Variants in DYSF observed in about 807,000 individuals in gnomAD.
DYSF encodes the protein dystrophy-associated fer-1-like 1.
A neutral mutation model predicts 274.9 loss-of-function variants in DYSF; 212 were observed. That is an observed-to-expected ratio of 0.77 (90% CI 0.69 to 0.86). The LOEUF is 0.86. DYSF is among the 40% of genes least tolerant of loss of function. The probability of loss-of-function intolerance (pLI) is 0.00; values close to 1 mark genes in which losing one functional copy is unlikely to be tolerated. For missense variants in DYSF, 2,666 were observed against 2,783.2 expected (o/e 0.96, Z 0.95); for synonymous variants, 1,091 against 1,078.7 (o/e 1.01, Z -0.22).
intron 29 of DYSF, among the ~76,000 whole-genome samples, chr2:71,571,222 A>G (rs2092414892): frequency 6.7e-6 from 1 of 150,004 alleles, no homozygotes; most frequent in African/African-American, 2.5e-5. Context: ...CCCACAGTTC[A>G]CACTCAGCAC....
At chr2:71,565,887 C>T (rs932139258) in intron 24 of DYSF, among the ~76,000 whole-genome samples, 1 of 152,268 alleles carries the variant, frequency 6.6e-6, no homozygotes, top group African/African-American at 2.4e-5. Context: ...CTCCCCACCT[C>T]TCCCCTTTTC....
intron 54 of DYSF, among the ~76,000 whole-genome samples, chr2:71,682,139 G>C (rs1433775430): frequency 6.6e-6 from 1 of 152,116 alleles, no homozygotes; most frequent in Admixed American, 6.5e-5. Flanking sequence ...AGGTGTCTTG[G>C]CTTATCTGGG....
chr2:71,618,573 T>TGGGGTACAGTTGTGTGTGTGTGGTAGA (rs2093997827), intron 40 of DYSF, among the ~76,000 whole-genome samples: 1 of 91,678 alleles, frequency 1.1e-5, no homozygotes, highest in African/African-American at 3.5e-5. Flanking sequence ...TGTGTTTGTG[T>TGGGGTACAGTTGTGTGTGTGTGGTAGA]GGGGTAGAGT....
intron 3 of DYSF, among the ~76,000 whole-genome samples, chr2:71,493,358 G>A (rs1558996128): frequency 6.6e-6 from 1 of 152,064 alleles, no homozygotes; most frequent in African/African-American, 2.4e-5. Flanking sequence ...AATCTGGAAC[G>A]TTTCCTTAGT....
At chr2:71,667,879 C>T (rs367743587) in intron 48 of DYSF, among the ~76,000 whole-genome samples, 32 of 152,286 alleles carry the variant, frequency 2.1e-4, no homozygotes, top group Non-Finnish European at 3.7e-4. Context: ...CTCAGATGCC[C>T]GGCCCTGTGC....
rs1471789910 is a variant in DYSF, at chr2:71,574,182, C to T, written c.3229-16C>T. On this transcript the variant is annotated splice_polypyrimidine_tract_variant and intron_variant, in intron 29 of 55. Coordinates refer to ENST00000410020, the MANE Select transcript of DYSF (RefSeq NM_001130987.2). Reference sequence around the variant, plus strand: ...CCTTCCCACCGGCCTCTGAGTCTGCCCCTTCTCTTGTGCAGCACAGGCAGG... The same window carrying T: ...CCTTCCCACCGGCCTCTGAGTCTGCTCCTTCTCTTGTGCAGCACAGGCAGG... The T allele has an allele frequency of 6.2e-7, 1 of 1,613,458 alleles. No homozygotes were observed. Among genetic ancestry groups the T allele is most frequent in the Non-Finnish European group, 8.5e-7 (1 of 1,179,930 alleles).
chr2:71,455,963 A>G (rs1413990000), intron 1 of DYSF, among the ~76,000 whole-genome samples: 1 of 152,152 alleles, frequency 6.6e-6, no homozygotes, highest in Admixed American at 6.5e-5. Context: ...AAGAATGAAT[A>G]ATAAATGGCA....
At chr2:71,539,072 G>A in intron 16 of DYSF, 85 bp from the exon 17 acceptor site, 2 of 1,248,522 alleles carry the variant, frequency 1.6e-6, no homozygotes, top group Non-Finnish European at 2.3e-6. Context: ...CCTGTGATGT[G>A]TAACCGAGGC....
At chr2:71,537,754 T>C (rs2089530307) in intron 16 of DYSF, among the ~76,000 whole-genome samples, 1 of 152,012 alleles carries the variant, frequency 6.6e-6, no homozygotes, top group African/African-American at 2.4e-5. Flanking sequence ...CAAAGAAAAA[T>C]TGAAGCACCA....
intron 20 of DYSF, 109 bp from the exon 21 acceptor site, chr2:71,553,698 G>A: frequency 1.6e-6 from 2 of 1,228,996 alleles, no homozygotes; most frequent in South Asian, 2.6e-5. Flanking sequence ...CCCTTTCCCA[G>A]CTCTGCCAGT....
At chr2:71,538,647 T>G (rs1184520260) in intron 16 of DYSF, among the ~76,000 whole-genome samples, 2 of 152,206 alleles carry the variant, frequency 1.3e-5, no homozygotes, top group Non-Finnish European at 1.5e-5. Context: ...ACATACAAAG[T>G]CAGATACAAA....
At chr2:71,473,657 C>T (rs965802979) in intron 1 of DYSF, among the ~76,000 whole-genome samples, 2 of 152,156 alleles carry the variant, frequency 1.3e-5, no homozygotes, top group African/African-American at 2.4e-5. Context: ...CGATACTGGC[C>T]AGTAGACCTC....
rs569947095 is a variant in DYSF, at chr2:71,650,983, C to T, written c.4627-5179C>T. ...AATAATAAAGATAAAACTGTAATTA[C>T]AGAATGCCGGGAAAATGAAAATGAA... On this transcript the variant is annotated intron_variant, in intron 42 of 55. Transcript: ENST00000410020. Among the ~76,000 whole-genome samples, 7 of 152,176 alleles carry T rather than the reference C, an allele frequency of 4.6e-5. No individual in the cohort carries two copies. In the South Asian group the frequency reaches 1.2e-3, roughly 27 times the overall value.
At chr2:71,655,424 A>C (rs553618237) in intron 42 of DYSF, among the ~76,000 whole-genome samples, 2 of 152,230 alleles carry the variant, frequency 1.3e-5, no homozygotes, top group Admixed American at 6.5e-5. Context: ...TTCAGATATG[A>C]CGAATTTAGC....
At position 71,570,335 on chromosome 2, in the gene DYSF, G is replaced by A. The variant is rs1553555585; in HGVS notation, c.3085+1G>A. On this transcript the variant is annotated splice_donor_variant, in intron 28 of 55. Coordinates refer to ENST00000410020, the MANE Select transcript of DYSF (RefSeq NM_001130987.2). LOFTEE classifies it high-confidence loss of function. Reference sequence around the variant, plus strand: ...CTCAACCGGGCTGTCGATGAGCAAGGTGGGCAGCATGTGGAACCTGGCGAG... The same window carrying A: ...CTCAACCGGGCTGTCGATGAGCAAGATGGGCAGCATGTGGAACCTGGCGAG... 2 of 1,613,950 alleles carry A rather than the reference G, an allele frequency of 1.2e-6. No homozygotes were observed. The highest frequency in any genetic ancestry group is 1.3e-5 in the African/African-American group (1 of 75,014).
chr2:71,677,102 G>A (rs1288409537), intron 52 of DYSF, among the ~76,000 whole-genome samples: 1 of 152,146 alleles, frequency 6.6e-6, no homozygotes, highest in Non-Finnish European at 1.5e-5. Flanking sequence ...TGGACAGACA[G>A]GTGGAATAAT....
intron 41 of DYSF, among the ~76,000 whole-genome samples, chr2:71,630,493 G>A (rs575313044): frequency 1.3e-5 from 2 of 152,326 alleles, no homozygotes; most frequent in East Asian, 3.9e-4. Context: ...CTACAGTTTT[G>A]GCTGAGTGAA....
At chr2:71,685,840 G>C (rs150641291) in intron 55 of DYSF, among the ~76,000 whole-genome samples, 61 of 152,316 alleles carry the variant, frequency 4.0e-4, no homozygotes, top group Non-Finnish European at 7.2e-4. Context: ...GTGTTTTCAT[G>C]GTTTTTGGGG....
Position 71,517,028 on chromosome 2 carries a change from G to C in DYSF, c.991G>C (p.Gly331Arg), listed in dbSNP as rs121908963. 3 of 1,614,142 alleles carry C rather than the reference G, an allele frequency of 1.9e-6. No individual in the cohort carries two copies. The highest frequency in any genetic ancestry group is 1.7e-5 in the Admixed American group (1 of 60,024). ...SRSLRTDALL[G>R]EFRMDVGTIY... Reference sequence around the variant, plus strand: ...TTCTCTCAGGACAGATGCTCTCCTCGGGGAGTTCCGGGTAATTGCTTATTT... The same window carrying C: ...TTCTCTCAGGACAGATGCTCTCCTCCGGGAGTTCCGGGTAATTGCTTATTT... Residue 331 changes from glycine to arginine, a missense_variant, in exon 10 of 56, where the codon GGG (glycine) becomes CGG (arginine). Transcript: ENST00000410020.
Sources: gnomAD v4.1 joint callset for allele counts (sites outside exome capture counted in the v4.1 genomes callset) on GRCh38, gnomAD v4.1.1 for gene constraint, MANE v1.5 for transcripts, NCBI Gene and HGNC (gene_info 2026-07-23, HGNC 2026-07-21) for gene names.